GOLM2: variants seen among roughly 807,000 people sequenced by gnomAD.
The protein encoded by GOLM2 is golgi membrane protein 2, also known as protein GOLM2.
In GOLM2, 26 loss-of-function variants were observed where a neutral mutation model predicts 55.9. The observed-to-expected ratio is 0.47, with a 90% CI of 0.34 to 0.65. The LOEUF is 0.65. Ranked by LOEUF, GOLM2 falls within the 30% of genes least tolerant of loss-of-function variation. GOLM2 has a pLI of 0.01. For synonymous variants in GOLM2, 165 were observed against 194.6 expected (o/e 0.85, Z 1.27); for missense variants, 486 against 531.8 (o/e 0.91, Z 0.85).
At chr15:44,299,926 C>CA (rs1009141482) in intron 1 of GOLM2, among the ~76,000 whole-genome samples, 687 of 11,462 alleles carry the variant, frequency 0.06, 43 homozygotes, top group East Asian at 0.15. Flanking sequence ...GGCAACATAG[C>CA]AAAAAAAAAA....
chr15:44,380,765 AT>A (rs1189705969), intron 7 of GOLM2, 40 bp from the exon 8 acceptor site: 4 of 1,321,222 alleles, frequency 3.0e-6, no homozygotes, highest in Non-Finnish European at 3.9e-6. Context: ...AAAAGATTAA[AT>A]TAAATTATAT....
chr15:44,361,026 C>T (rs1441592359), intron 6 of GOLM2, among the ~76,000 whole-genome samples: 7 of 150,798 alleles, frequency 4.6e-5, no homozygotes, highest in Non-Finnish European at 8.9e-5. Flanking sequence ...ACACAACATA[C>T]CAGAATCTCT....
At chr15:44,296,560 C>G (rs565935793) in intron 1 of GOLM2, among the ~76,000 whole-genome samples, 9 of 152,260 alleles carry the variant, frequency 5.9e-5, no homozygotes, top group African/African-American at 2.2e-4. Context: ...ATAGTAGTCT[C>G]TCTTATTCTT....
intron 8 of GOLM2, among the ~76,000 whole-genome samples, chr15:44,399,721 G>A (rs557980374): frequency 1.8e-4 from 27 of 152,206 alleles, no homozygotes; most frequent in Admixed American, 4.6e-4. Context: ...AAGGCCGAGC[G>A]TGGTGTCTCA....
At chr15:44,310,932 G>A (rs1320815064) in intron 1 of GOLM2, among the ~76,000 whole-genome samples, 1 of 151,790 alleles carries the variant, frequency 6.6e-6, no homozygotes, top group African/African-American at 2.4e-5. Flanking sequence ...CAGGAGAATC[G>A]CTTGAACCCG....
chr15:44,388,242 C>T (rs903761652), intron 8 of GOLM2, among the ~76,000 whole-genome samples: 1 of 142,540 alleles, frequency 7.0e-6, no homozygotes, highest in African/African-American at 2.7e-5. Flanking sequence ...CCACTGTACT[C>T]CAGCCTGGGC....
intron 6 of GOLM2, among the ~76,000 whole-genome samples, chr15:44,372,344 G>C (rs2079334032): frequency 6.6e-6 from 1 of 152,174 alleles, no homozygotes; most frequent in Non-Finnish European, 1.5e-5. Context: ...ATGAAGTCCT[G>C]TTAGTCAGGA....
intron 6 of GOLM2, among the ~76,000 whole-genome samples, chr15:44,367,232 T>C (rs946429796): frequency 1.3e-5 from 2 of 150,674 alleles, no homozygotes; most frequent in Non-Finnish European, 3.0e-5. Flanking sequence ...TTTTTTTCTG[T>C]CTGGCCCTTT....
rs180984431 is a variant in GOLM2, at chr15:44,392,494, G to A, written c.1073-10393G>A. ...AAAAATTAGCTGGGTGCGGTGGTGCGCACATATAGTACCAGCTACTTAGGA... is the reference window on the plus strand; with the variant it reads ...AAAAATTAGCTGGGTGCGGTGGTGCACACATATAGTACCAGCTACTTAGGA... On this transcript the variant is annotated intron_variant, in intron 8 of 9. Transcript: ENST00000299957. 1.3e-3 allele frequency among the ~76,000 whole-genome samples: 192 copies of A among 151,716 alleles called. 1 individual carries two copies. In the Middle Eastern group the frequency reaches 0.031, roughly 24 times the overall value.
chr15:44,296,127 C>G (rs1431184753), intron 1 of GOLM2, among the ~76,000 whole-genome samples: 2 of 152,110 alleles, frequency 1.3e-5, no homozygotes, highest in Non-Finnish European at 2.9e-5. Flanking sequence ...CATAGCACAC[C>G]ACAGCCAGGA....
At chr15:44,303,387 A>T (rs1314511903) in intron 1 of GOLM2, among the ~76,000 whole-genome samples, 1 of 152,180 alleles carries the variant, frequency 6.6e-6, no homozygotes, top group African/African-American at 2.4e-5. Context: ...TAGTATACAT[A>T]GAATATATCT....
At chr15:44,382,969 C>G (rs989999601) in intron 8 of GOLM2, among the ~76,000 whole-genome samples, 3 of 150,558 alleles carry the variant, frequency 2.0e-5, no homozygotes, top group Admixed American at 1.3e-4. Flanking sequence ...TAAACCCTCA[C>G]TCCATATTAT....
chr15:44,319,525 G>GT (rs1471853164), intron 1 of GOLM2, among the ~76,000 whole-genome samples: 1 of 151,760 alleles, frequency 6.6e-6, no homozygotes, highest in Non-Finnish European at 1.5e-5. Context: ...TGGCCTTCCA[G>GT]TTTCCTGTAT....
At chr15:44,360,507 C>T (rs1304810368) in intron 6 of GOLM2, among the ~76,000 whole-genome samples, 1 of 152,174 alleles carries the variant, frequency 6.6e-6, no homozygotes, top group East Asian at 1.9e-4. Context: ...AGCTAACTAT[C>T]CTAAATATAT....
intron 8 of GOLM2, among the ~76,000 whole-genome samples, chr15:44,387,120 A>G (rs1044890485): frequency 2.7e-5 from 4 of 147,904 alleles, no homozygotes; most frequent in Admixed American, 1.4e-4. Flanking sequence ...GGCTGCAGGG[A>G]GCTGAGATTC....
intron 1 of GOLM2, among the ~76,000 whole-genome samples, chr15:44,297,568 T>G (rs2078765126): frequency 6.6e-6 from 1 of 151,790 alleles, no homozygotes; most frequent in Non-Finnish European, 1.5e-5. Context: ...TTTTGTTTTT[T>G]TTTTTTTAAT....
At chr15:44,332,330 G>A (rs2079027772) in intron 4 of GOLM2, among the ~76,000 whole-genome samples, 1 of 152,162 alleles carries the variant, frequency 6.6e-6, no homozygotes, top group South Asian at 2.1e-4. Context: ...GCTGAGGCGG[G>A]CGGCTCACTC....
At chr15:44,395,729 A>G (rs1457698157) in intron 8 of GOLM2, among the ~76,000 whole-genome samples, 3 of 151,950 alleles carry the variant, frequency 2.0e-5, no homozygotes, top group African/African-American at 4.8e-5. Context: ...AGTCCCACCT[A>G]CTCAGGAGGC....
At chr15:44,339,627 C>T (rs952872086) in intron 6 of GOLM2, among the ~76,000 whole-genome samples, 9 of 151,762 alleles carry the variant, frequency 5.9e-5, no homozygotes, top group African/African-American at 2.2e-4. Context: ...CATGAGCCAC[C>T]AAGCCCGGCC....
Sources: allele counts gnomAD v4.1 joint callset (sites outside exome capture counted in the v4.1 genomes callset), GRCh38; gene constraint gnomAD v4.1.1; transcripts MANE v1.5; gene names NCBI Gene and HGNC (gene_info 2026-07-23, HGNC 2026-07-21).